Variants in MALL observed in about 807,000 individuals in gnomAD.
MALL encodes MAL-like protein.
Under a neutral mutation model 10.3 loss-of-function variants are expected in MALL, and 2 were observed. The ratio of observed to expected loss-of-function variants is 0.19; its 90% CI spans 0.08 to 0.61. The LOEUF is 0.61. Among genes scored for constraint, MALL ranks in the 20% least tolerant of loss-of-function variants. The probability of loss-of-function intolerance (pLI) is 0.88; values close to 1 mark genes in which losing one functional copy is unlikely to be tolerated. For missense variants in MALL, 39 were observed against 115.2 expected (o/e 0.34, Z 3.03); for synonymous variants, 27 against 51.8 (o/e 0.52, Z 2.05).
chr2:110,098,367 AAAC>A (rs770872445), intron 1 of MALL, among the ~76,000 whole-genome samples: 3 of 151,910 alleles, frequency 2.0e-5, no homozygotes, highest in Non-Finnish European at 4.4e-5. Context: ...TGTACCCATT[AAAC>A]AACAACTCCC....
chr2:110,099,848 C>A (rs10183905), intron 1 of MALL, among the ~76,000 whole-genome samples: 3,028 of 152,190 alleles, frequency 0.02, 114 homozygotes, highest in East Asian at 0.092. Context: ...AGCCTGCATC[C>A]CAGATGACAC....
At chr2:110,105,353 C>A (rs1250385096) in intron 1 of MALL, among the ~76,000 whole-genome samples, 1 of 152,220 alleles carries the variant, frequency 6.6e-6, no homozygotes, top group Non-Finnish European at 1.5e-5. Context: ...TCTTGCTCTT[C>A]CCCAGCCCAA....
At chr2:110,117,394 T>A (rs17842649), upstream of MALL, among the ~76,000 whole-genome samples, 948 of 152,182 alleles carry the variant, frequency 6.2e-3, 9 homozygotes, top group African/African-American at 0.022. Flanking sequence ...ATCTATGAAA[T>A]GGAGAAAATA....
intron 1 of MALL, among the ~76,000 whole-genome samples, chr2:110,109,356 A>G (rs538764397): frequency 4.4e-4 from 67 of 152,278 alleles, no homozygotes; most frequent in African/African-American, 1.6e-3. Context: ...AGGGTGGAAA[A>G]AGGTACTTCA....
intron 1 of MALL, among the ~76,000 whole-genome samples, chr2:110,112,987 A>G (rs1401140094): frequency 2.0e-5 from 3 of 151,774 alleles, no homozygotes; most frequent in African/African-American, 7.3e-5. Context: ...CTCGGAGACT[A>G]TGATTCTAAG....
At chr2:110,107,879 C>T (rs1375719859) in intron 1 of MALL, among the ~76,000 whole-genome samples, 2 of 152,168 alleles carry the variant, frequency 1.3e-5, no homozygotes, top group Non-Finnish European at 2.9e-5. Flanking sequence ...TGCAGACAAT[C>T]CAGAGTACCA....
chr2:110,106,146 CA>C (rs1215181717), intron 1 of MALL, among the ~76,000 whole-genome samples: 1 of 152,084 alleles, frequency 6.6e-6, no homozygotes, highest in East Asian at 1.9e-4. Flanking sequence ...TTAAACTAGT[CA>C]AAAATCTCAT....
intron 1 of MALL, among the ~76,000 whole-genome samples, chr2:110,109,652 G>GAAAGTCAATGAAGAAACA (rs1559033153): frequency 2.6e-5 from 4 of 152,108 alleles, no homozygotes; most frequent in African/African-American, 7.2e-5. Flanking sequence ...CATCATGACA[G>GAAAGTCAATGAAGAAACA]AAAGTCAATG....
At chr2:110,117,386 C>T (rs1196139702), upstream of MALL, among the ~76,000 whole-genome samples, 2 of 152,090 alleles carry the variant, frequency 1.3e-5, no homozygotes, top group Non-Finnish European at 2.9e-5. Flanking sequence ...AGGCTCATAT[C>T]TATGAAATGG....
chr2:110,105,384 T>A (rs939671316), intron 1 of MALL, among the ~76,000 whole-genome samples: 2 of 152,082 alleles, frequency 1.3e-5, no homozygotes, highest in African/African-American at 4.8e-5. Context: ...TTCCTCATGT[T>A]CTCCCGTCCT....
At chr2:110,095,508 T>G (rs1209280474) in intron 1 of MALL, among the ~76,000 whole-genome samples, 1 of 152,116 alleles carries the variant, frequency 6.6e-6, no homozygotes, top group East Asian at 1.9e-4. Context: ...TTAAAACCTA[T>G]TCTTCTCTAG....
chr2:110,095,298 T>C (rs13396284), intron 1 of MALL, among the ~76,000 whole-genome samples: 12,417 of 152,258 alleles, frequency 0.082, 903 homozygotes, highest in African/African-American at 0.18. Context: ...GGGAGATATT[T>C]TTCAACGGTT....
At chr2:110,113,253 G>A (rs1172300908) in intron 1 of MALL, among the ~76,000 whole-genome samples, 1 of 151,322 alleles carries the variant, frequency 6.6e-6, no homozygotes, top group Non-Finnish European at 1.5e-5. Flanking sequence ...GGCTAACACA[G>A]TGAAACCCCG....
intron 1 of MALL, among the ~76,000 whole-genome samples, chr2:110,106,205 A>G (rs1474795332): frequency 6.6e-6 from 1 of 152,210 alleles, no homozygotes; most frequent in African/African-American, 2.4e-5. Flanking sequence ...TATTGGAGTC[A>G]TAGTCATAAA....
chr2:110,111,218 G>A (rs1008918302), intron 1 of MALL, among the ~76,000 whole-genome samples: 6 of 152,092 alleles, frequency 3.9e-5, no homozygotes, highest in Admixed American at 3.9e-4. Flanking sequence ...GTCCTAGCCA[G>A]AGCAATCAGA....
At chr2:110,115,503 C>A (rs1408278639) in intron 1 of MALL, among the ~76,000 whole-genome samples, 185 bp downstream of exon 1, 1 of 151,694 alleles carries the variant, frequency 6.6e-6, no homozygotes, top group Non-Finnish European at 1.5e-5. Context: ...GGGTCTCTCT[C>A]GGCGCGGTCC....
rs370692530 is a variant in MALL, at chr2:110,111,500, A to G, written c.105+4188T>C. ...TGCAAAAAATAATAATAGTAATAATAAAATACTTAGGAATATACATAACAA... is the reference window on the plus strand; with the variant it reads ...TGCAAAAAATAATAATAGTAATAATGAAATACTTAGGAATATACATAACAA... On this transcript the variant is annotated intron_variant, in intron 1 of 3. Transcript: ENST00000272462. Among the ~76,000 whole-genome samples the G allele has an allele frequency of 3.9e-5, 6 of 152,220 alleles. No individual in the cohort carries two copies. The East Asian group carries it at 1.2e-3, about 29-fold the overall frequency.
At chr2:110,098,873 A>G (rs1678502563) in intron 1 of MALL, among the ~76,000 whole-genome samples, 1 of 152,058 alleles carries the variant, frequency 6.6e-6, no homozygotes, top group South Asian at 2.1e-4. Flanking sequence ...ACGGTGGCAC[A>G]TGCCTGTAGT....
intron 1 of MALL, among the ~76,000 whole-genome samples, chr2:110,100,020 C>G (rs1476968779): frequency 1.3e-5 from 2 of 152,096 alleles, no homozygotes; most frequent in East Asian, 3.9e-4. Flanking sequence ...TTCAAACACT[C>G]CACTGCCTCA....
Sources: gnomAD v4.1 joint callset for allele counts (sites outside exome capture counted in the v4.1 genomes callset) on GRCh38, gnomAD v4.1.1 for gene constraint, MANE v1.5 for transcripts, NCBI Gene and HGNC (gene_info 2026-07-23, HGNC 2026-07-21) for gene names.